The following ZYG11B variants were observed in gnomAD, a reference collection of about 807,000 sequenced individuals.
ZYG11B encodes zyg-11 family member B, cell cycle regulator, also known as protein zyg-11 homolog B.
ZYG11B carries 36 observed loss-of-function variants against 82.4 expected under a neutral mutation model. The observed-to-expected ratio is 0.44, with a 90% CI of 0.33 to 0.58. The LOEUF (loss-of-function observed/expected upper bound fraction) is 0.58. Among genes scored for constraint, ZYG11B ranks in the 20% least tolerant of loss-of-function variants. The pLI is 0.02. For synonymous variants in ZYG11B, 303 were observed against 312.8 expected, an observed-to-expected ratio of 0.97 and a Z score of 0.33; for missense variants, 552 against 895.6, an observed-to-expected ratio of 0.62 and a Z score of 4.90.
At position 52,825,294 on chromosome 1, in the gene ZYG11B, G is replaced by A. The variant is rs1426994828; in HGVS notation, c.*3665G>A. 2.0e-5 allele frequency: 3 copies of A among 151,934 alleles called. No homozygotes were observed. Among genetic ancestry groups the A allele is most frequent in the Admixed American group, 6.6e-5 (1 of 15,224 alleles). 9.4% of individuals were successfully genotyped at this position (151,934 alleles called of 1,614,324 possible). ...ATAAAATAAATCAAGTGGTATAAGG[G>A]ATTAGTTTACCCTCAAGCCGATGAC... On this transcript the variant is annotated 3_prime_UTR_variant, in exon 14 of 14. Transcript: ENST00000294353.
chr1:52,783,533 A>G (rs889359860), intron 4 of ZYG11B, among the ~76,000 whole-genome samples: 1 of 151,748 alleles, frequency 6.6e-6, no homozygotes, highest in African/African-American at 2.4e-5. Context: ...ATGTATATGT[A>G]CGTATGCTGG....
At chr1:52,741,712 T>C (rs985205071) in intron 1 of ZYG11B, among the ~76,000 whole-genome samples, 7 of 152,290 alleles carry the variant, frequency 4.6e-5, no homozygotes, top group African/African-American at 1.7e-4. Flanking sequence ...GTAATAACAT[T>C]TATTGAGCAG....
At chr1:52,784,555 A>T (rs1367820698) in intron 4 of ZYG11B, among the ~76,000 whole-genome samples, 1 of 152,230 alleles carries the variant, frequency 6.6e-6, no homozygotes, top group Non-Finnish European at 1.5e-5. Flanking sequence ...GCTCTATTCA[A>T]GTCAGTGAGA....
chr1:52,753,197 C>A (rs1480712253), intron 1 of ZYG11B, among the ~76,000 whole-genome samples: 2 of 152,114 alleles, frequency 1.3e-5, no homozygotes, highest in African/African-American at 4.8e-5. Context: ...CATTCACATA[C>A]AAGATTTTGT....
chr1:52,739,013 A>C (rs1571741235), intron 1 of ZYG11B, among the ~76,000 whole-genome samples: 1 of 118,376 alleles, frequency 8.4e-6, no homozygotes, highest in Non-Finnish European at 1.6e-5. Flanking sequence ...ACAGAGTCTC[A>C]CTGTATCACC....
intron 12 of ZYG11B, among the ~76,000 whole-genome samples, chr1:52,815,809 C>T (rs1294237293): frequency 5.4e-5 from 8 of 147,622 alleles, no homozygotes; most frequent in Admixed American, 5.4e-4. Flanking sequence ...GTGGCAGGCG[C>T]CTGTAGTCCC....
rs1644760588 is a variant in ZYG11B, at chr1:52,772,430, T to C, written c.951+656T>C. ...GAGCAAGTCCCTTAGACTTAAGAAT[T>C]CTTAAAATTTTATTGCCTGTCACAA... On this transcript the variant is annotated intron_variant, in intron 3 of 13. Transcript: ENST00000294353. 2.6e-6 allele frequency: 4 copies of C among 1,563,132 alleles called. No homozygotes were observed. The South Asian group carries it at 4.4e-5, about 17-fold the overall frequency.
At chr1:52,817,897 G>T (rs867571756) in intron 13 of ZYG11B, among the ~76,000 whole-genome samples, 49 of 124,680 alleles carry the variant, frequency 3.9e-4, no homozygotes, top group Admixed American at 1.0e-3. Context: ...GAGTGCAGTG[G>T]TGCGATCTCG....
chr1:52,751,642 CAAAA>C (rs1172074924), intron 1 of ZYG11B, among the ~76,000 whole-genome samples: 2 of 151,890 alleles, frequency 1.3e-5, no homozygotes, highest in African/African-American at 4.8e-5. Flanking sequence ...CAAAAACACA[CAAAA>C]AACCCCCCAA....
rs1372901915 is a variant in ZYG11B at position 52,773,468 on chromosome 1, C to T, written c.951+1694C>T. ...AAGCCTGGGTGACAGCGTGAGACTC[C>T]GTCTCAGAAAAAAAAAAAAAAGAAA... On this transcript the variant is annotated intron_variant, in intron 3 of 13. Transcript: ENST00000294353. 5.8e-5 allele frequency among the ~76,000 whole-genome samples: 8 copies of T among 137,156 alleles called. No homozygotes were observed. In the East Asian group the frequency reaches 7.0e-4, roughly 12 times the overall value. 90.0% of individuals were successfully genotyped at this position (137,156 alleles called of 152,430 possible).
intron 1 of ZYG11B, among the ~76,000 whole-genome samples, chr1:52,744,070 A>G (rs1187414260): frequency 6.6e-6 from 1 of 151,816 alleles, no homozygotes; most frequent in Admixed American, 6.6e-5. Context: ...CCCAGTAGCT[A>G]GGACTACAGG....
chr1:52,759,148 T>A (rs1406946933), intron 2 of ZYG11B, among the ~76,000 whole-genome samples: 1 of 152,140 alleles, frequency 6.6e-6, no homozygotes, highest in Non-Finnish European at 1.5e-5. Flanking sequence ...GCCAGGTTGA[T>A]CTTGAACTCC....
chr1:52,777,647 C>T (rs1040436862), intron 3 of ZYG11B, among the ~76,000 whole-genome samples: 2 of 151,982 alleles, frequency 1.3e-5, no homozygotes, highest in African/African-American at 4.8e-5. Context: ...TTACTATGTT[C>T]CCCAGGCTGG....
chr1:52,789,934 A>G, intron 5 of ZYG11B, 69 bp from the exon 6 acceptor site: 1 of 1,073,386 alleles, frequency 9.3e-7, no homozygotes, highest in Non-Finnish European at 1.3e-6. Context: ...TTTTTATGGA[A>G]GCTACCATGG....
chr1:52,825,291 A>C lies in ZYG11B; in HGVS notation c.*3662A>C, dbSNP rs1349535291. ...TTAATAAAATAAATCAAGTGGTATA[A>C]GGGATTAGTTTACCCTCAAGCCGAT... is the stretch of plus-strand genomic sequence containing the variant. On this transcript the variant is annotated 3_prime_UTR_variant, in exon 14 of 14. Transcript: ENST00000294353. The C allele has an allele frequency of 6.6e-6, 1 of 152,160 alleles. No homozygotes were observed. The highest frequency in any genetic ancestry group is 1.5e-5 in the Non-Finnish European group (1 of 68,038). 9.4% of individuals were successfully genotyped at this position (152,160 alleles called of 1,614,324 possible).
At position 52,823,994 on chromosome 1, in the gene ZYG11B, G is replaced by A. The variant is rs901282578; in HGVS notation, c.*2365G>A. 6.6e-6 allele frequency: 1 copy of A among 152,168 alleles called. No homozygotes were observed. The highest frequency in any genetic ancestry group is 6.6e-5 in the Admixed American group (1 of 15,262). 9.4% of individuals were successfully genotyped at this position (152,168 alleles called of 1,614,324 possible). A position where few individuals can be genotyped will look rare whatever the true frequency, so the allele number is the denominator to read the frequency against. ...AAAAATACAAAAACTAGCTGGGCAT[G>A]GTGGCTTTTTTGCACGCCTATAGTC... On this transcript the variant is annotated 3_prime_UTR_variant, in exon 14 of 14. Transcript: ENST00000294353.
At chr1:52,773,610 TATATATATATATA>T in intron 3 of ZYG11B, among the ~76,000 whole-genome samples, 1 of 17,062 alleles carries the variant, frequency 5.9e-5, no homozygotes, top group Non-Finnish European at 1.8e-4. Context: ...TATATATATA[TATATATATATATA>T]TATATTTTTT....
intron 1 of ZYG11B, among the ~76,000 whole-genome samples, chr1:52,752,531 C>T (rs1014546523): frequency 1.3e-5 from 2 of 152,172 alleles, no homozygotes; most frequent in African/African-American, 4.8e-5. Flanking sequence ...AAGTTAATGG[C>T]AAGTGAAGTG....
chr1:52,746,136 T>G (rs1236063472), intron 1 of ZYG11B, among the ~76,000 whole-genome samples: 1 of 151,854 alleles, frequency 6.6e-6, no homozygotes, highest in Admixed American at 6.6e-5. Flanking sequence ...TTTTTGTATT[T>G]TTTTTAGTAG....
Sources: allele counts gnomAD v4.1 joint callset (sites outside exome capture counted in the v4.1 genomes callset), GRCh38; gene constraint gnomAD v4.1.1; transcripts MANE v1.5; gene names NCBI Gene and HGNC (gene_info 2026-07-23, HGNC 2026-07-21).